The following CFAP161 variants were observed in gnomAD, a reference collection of about 807,000 sequenced individuals.
CFAP161 encodes cilia- and flagella-associated protein 161.
Under a neutral mutation model 29.0 loss-of-function variants are expected in CFAP161, and 25 were observed. The observed-to-expected ratio is 0.86, with a 90% CI of 0.63 to 1.20. The LOEUF is 1.20. Among genes scored for constraint, CFAP161 ranks in the 50% most tolerant of loss-of-function variants. The pLI is 0.00. For missense variants in CFAP161, 367 were observed against 371.9 expected (o/e 0.99, Z 0.11); for synonymous variants, 116 against 137.4 (o/e 0.84, Z 1.09).
chr15:81,124,147 C>T (rs1894610668), intron 1 of CFAP161, among the ~76,000 whole-genome samples: 1 of 152,122 alleles, frequency 6.6e-6, no homozygotes, highest in African/African-American at 2.4e-5. Context: ...CCAGTATTCC[C>T]CTTTCAGTAT....
chr15:81,142,677 C>T (rs1894931418), intron 4 of CFAP161, among the ~76,000 whole-genome samples: 1 of 152,214 alleles, frequency 6.6e-6, no homozygotes, highest in Non-Finnish European at 1.5e-5. Context: ...TCATCTCTGC[C>T]TTCCCCATAG....
intron 1 of CFAP161, among the ~76,000 whole-genome samples, chr15:81,127,185 A>G (rs1455021067): frequency 6.6e-6 from 1 of 152,240 alleles, no homozygotes; most frequent in Non-Finnish European, 1.5e-5. Context: ...GTCAGAGAAC[A>G]TCAGGAATTT....
At chr15:81,100,382 G>A (rs1313855208) in intron 1 of CFAP161, among the ~76,000 whole-genome samples, 2 of 151,454 alleles carry the variant, frequency 1.3e-5, no homozygotes, top group African/African-American at 2.4e-5. Flanking sequence ...GGAAAGGTAC[G>A]GCAGAGGCAT....
chr15:81,113,913 C>T (rs1894466378), intron 1 of CFAP161, among the ~76,000 whole-genome samples: 2 of 152,190 alleles, frequency 1.3e-5, no homozygotes, highest in Non-Finnish European at 2.9e-5. Context: ...CCTAAGTTAC[C>T]TGATTCGTAT....
intron 1 of CFAP161, among the ~76,000 whole-genome samples, chr15:81,115,548 T>C (rs1894486899): frequency 6.6e-6 from 1 of 151,046 alleles, no homozygotes; most frequent in Non-Finnish European, 1.5e-5. Context: ...TGAGCCAGTA[T>C]TATTTCGTAC....
In CFAP161 at chr15:81,136,420, GA is replaced by G. The variant is rs1448406196; in HGVS notation, c.160-93del. 26 of 1,059,434 alleles carry G rather than the reference GA, an allele frequency of 2.5e-5. No homozygotes were observed. In the African/African-American group the frequency reaches 3.9e-4, roughly 16 times the overall value. 65.6% of individuals were successfully genotyped at this position (1,059,434 alleles called of 1,614,324 possible). ...AGGGAATCCAAGTGAAATCCTGAAT[GA>G]AATGGGTACTAGTCCGAGAAGGAAG... is the stretch of plus-strand genomic sequence containing the variant. On this transcript the variant is annotated intron_variant, in intron 2 of 6. Coordinates refer to ENST00000286732, the MANE Select transcript of CFAP161 (RefSeq NM_173528.4).
rs1595911526 is a variant in CFAP161 at position 81,119,658 on chromosome 15, A to G, written c.-141-7932A>G. 2.0e-5 allele frequency among the ~76,000 whole-genome samples: 3 copies of G among 152,280 alleles called. No homozygotes were observed. The South Asian group carries it at 6.2e-4, about 32-fold the overall frequency. On this transcript the variant is annotated intron_variant, in intron 1 of 4. Transcript: ENST00000560091. ...AGAGACATTTTTTGGGGCTCTCTGG[A>G]GGCCCACCCAGAAAATCCCAGTTAA... is the stretch of plus-strand genomic sequence containing the variant.
chr15:81,138,255 C>T, intron 4 of CFAP161, 120 bp downstream of exon 4: 1 of 767,506 alleles, frequency 1.3e-6, no homozygotes, highest in Non-Finnish European at 2.2e-6. Flanking sequence ...CCTCTGACTT[C>T]ACTATGGTGT....
rs759426003 is a variant in CFAP161, at chr15:81,143,830, G to A, written c.636+10G>A. On this transcript the variant is annotated intron_variant, in intron 5 of 6. Coordinates refer to ENST00000286732, the MANE Select transcript of CFAP161 (RefSeq NM_173528.4). ...AGGCTTCCCCGTCCCGGTGAGTGCA[G>A]CATCGGGAAGACATGGGTGTCTAGG... 6 of 1,610,200 alleles carry A rather than the reference G, an allele frequency of 3.7e-6. No homozygotes were observed. The highest frequency in any genetic ancestry group is 5.1e-6 in the Non-Finnish European group (6 of 1,177,220).
At chr15:81,147,513 C>T (rs912891253) in intron 5 of CFAP161, among the ~76,000 whole-genome samples, 2 of 152,166 alleles carry the variant, frequency 1.3e-5, no homozygotes, top group Non-Finnish European at 2.9e-5. Context: ...TAGCCTACTA[C>T]ACACCAAGGC....
At chr15:81,102,446 T>C (rs765676136) in intron 1 of CFAP161, among the ~76,000 whole-genome samples, 11 of 152,080 alleles carry the variant, frequency 7.2e-5, no homozygotes, top group East Asian at 3.9e-4. Context: ...GGCCGGGAGA[T>C]TGCTTGAGCC....
chr15:81,138,196 C>A, intron 4 of CFAP161, 61 bp downstream of exon 4: 1 of 1,323,232 alleles, frequency 7.6e-7, no homozygotes, highest in Non-Finnish European at 1.1e-6. Context: ...AAAATGGGAT[C>A]ATAACTATCT....
intron 1 of CFAP161, among the ~76,000 whole-genome samples, chr15:81,117,381 C>G (rs190316138): frequency 6.6e-6 from 1 of 152,100 alleles, no homozygotes; most frequent in Non-Finnish European, 1.5e-5. Flanking sequence ...CAGCAAGAGT[C>G]TCACACAAAA....
intron 1 of CFAP161, among the ~76,000 whole-genome samples, chr15:81,119,116 A>G (rs1393258813): frequency 6.6e-6 from 1 of 152,224 alleles, no homozygotes; most frequent in African/African-American, 2.4e-5. Context: ...TAAAGTTACC[A>G]GATATCTGTT....
rs1004151027 is a variant in CFAP161 at position 81,148,670 on chromosome 15, G to T, written c.*137G>T. The T allele has an allele frequency of 1.9e-5, 14 of 723,752 alleles. No homozygotes were observed. Among genetic ancestry groups the T allele is most frequent in the Non-Finnish European group, 2.7e-5 (13 of 490,100 alleles). 44.8% of individuals were successfully genotyped at this position (723,752 alleles called of 1,614,324 possible). A position where few individuals can be genotyped will look rare whatever the true frequency, so the allele number is the denominator to read the frequency against. On this transcript the variant is annotated 3_prime_UTR_variant, in exon 7 of 7. Coordinates refer to ENST00000286732, the MANE Select transcript of CFAP161 (RefSeq NM_173528.4). Reference sequence around the variant, plus strand: ...TCTCTGGGCACTATATTAAAATAAAGATTACATTAAGATTATTGAATTTGT... The same window carrying T: ...TCTCTGGGCACTATATTAAAATAAATATTACATTAAGATTATTGAATTTGT...
intron 1 of CFAP161, among the ~76,000 whole-genome samples, chr15:81,110,390 C>A (rs1894425632): frequency 6.6e-6 from 1 of 152,044 alleles, no homozygotes; most frequent in Non-Finnish European, 1.5e-5. Flanking sequence ...CTTGAAGCCC[C>A]CCACTCCCTC....
At chr15:81,100,506 A>T (rs1567148667) in intron 1 of CFAP161, among the ~76,000 whole-genome samples, 1 of 152,004 alleles carries the variant, frequency 6.6e-6, no homozygotes, top group Non-Finnish European at 1.5e-5. Flanking sequence ...TCAGAATTTT[A>T]TGTAGCTGCT....
At chr15:81,136,278 C>T (rs1894807181) in intron 2 of CFAP161, among the ~76,000 whole-genome samples, 1 of 152,138 alleles carries the variant, frequency 6.6e-6, no homozygotes, top group African/African-American at 2.4e-5. Flanking sequence ...TGTTGAATTT[C>T]TAGGATAATG....
intron 1 of CFAP161, among the ~76,000 whole-genome samples, chr15:81,099,820 C>T (rs189035115): frequency 2.0e-5 from 3 of 152,186 alleles, no homozygotes; most frequent in African/African-American, 7.2e-5. Flanking sequence ...TTTCTAAGTG[C>T]TTATTTTATT....
Sources: allele counts gnomAD v4.1 joint callset (sites outside exome capture counted in the v4.1 genomes callset), GRCh38; gene constraint gnomAD v4.1.1; transcripts MANE v1.5; gene names NCBI Gene and HGNC (gene_info 2026-07-23, HGNC 2026-07-21).